Variants in GNB4 observed in about 807,000 individuals in gnomAD.
GNB4 encodes the protein guanine nucleotide-binding protein subunit beta-4.
In GNB4, 28 loss-of-function variants were observed where a neutral mutation model predicts 45.2. The observed-to-expected ratio is 0.62, with a 90% CI of 0.46 to 0.85. The LOEUF (loss-of-function observed/expected upper bound fraction) is 0.85, where lower values mean the gene tolerates loss of function less well. GNB4 is among the 40% of genes least tolerant of loss of function. The pLI is 0.00. For synonymous variants in GNB4, 132 were observed against 143.7 expected (o/e 0.92, Z 0.58); for missense variants, 321 against 425.4 (o/e 0.75, Z 2.16).
chr3:179,497,281 T>C, the GNB4 span, among the ~76,000 whole-genome samples: 2 of 152,104 alleles, frequency 1.3e-5, no homozygotes, highest in African/African-American at 2.4e-5. Context: ...GTAAATTATA[T>C]TGGAAAAACT....
At chr3:179,449,482 C>T (rs1715815785) in intron 1 of GNB4, among the ~76,000 whole-genome samples, 1 of 152,180 alleles carries the variant, frequency 6.6e-6, no homozygotes, top group African/African-American at 2.4e-5. Flanking sequence ...ACTCCTCATG[C>T]CCTCGAACTA....
the GNB4 span, among the ~76,000 whole-genome samples, chr3:179,491,987 CTAATT>C: frequency 6.6e-6 from 1 of 152,164 alleles, no homozygotes; most frequent in African/African-American, 2.4e-5. Flanking sequence ...CATCTACACT[CTAATT>C]AAAATAGTTC....
the GNB4 span, among the ~76,000 whole-genome samples, chr3:179,484,737 A>G: frequency 6.6e-6 from 1 of 152,148 alleles, no homozygotes; most frequent in Admixed American, 6.5e-5. Context: ...TGTGTGTTAG[A>G]TAAATTTTCT....
At position 179,426,173 on chromosome 3, in the gene GNB4, C is replaced by T; in HGVS notation, c.28G>A (p.Glu10Lys). The T allele has an allele frequency of 3.1e-6, 5 of 1,603,288 alleles. No individual in the cohort carries two copies. Among genetic ancestry groups the T allele is most frequent in the Non-Finnish European group, 4.2e-6 (5 of 1,177,672 alleles). MSELEQLRQEAEQLRNQIQD... is the reference protein window; with the variant it reads MSELEQLRQKAEQLRNQIQD... ...ATCTGATTCCGCAGTTGTTCTGCTT[C>T]TTGCCTCAACTGTTCCAGTTCGCTC... The change falls in exon 2 of 10, where the codon GAA becomes AAA. Residue 10 changes from glutamate (E) to lysine (K), a missense_variant. By Grantham distance (56) the Glu-to-Lys change is moderately conservative (BLOSUM62 1). Coordinates refer to ENST00000232564, the MANE Select transcript of GNB4 (RefSeq NM_021629.4).
the GNB4 span, among the ~76,000 whole-genome samples, chr3:179,489,567 G>C: frequency 2.0e-5 from 3 of 152,106 alleles, no homozygotes; most frequent in African/African-American, 7.2e-5. Context: ...CTTGAGCGCA[G>C]GAGTCTGAGG....
intron 8 of GNB4, among the ~76,000 whole-genome samples, chr3:179,408,216 T>C (rs1390042280): frequency 6.6e-6 from 1 of 150,896 alleles, no homozygotes; most frequent in African/African-American, 2.4e-5. Flanking sequence ...AATTAATCAG[T>C]TGAAAAAAAC....
At chr3:179,458,640 T>C in the GNB4 span, among the ~76,000 whole-genome samples, 1 of 152,210 alleles carries the variant, frequency 6.6e-6, no homozygotes, top group African/African-American at 2.4e-5. Flanking sequence ...CCTACACATA[T>C]CCTCCTGTAT....
the GNB4 span, among the ~76,000 whole-genome samples, chr3:179,506,140 T>G: frequency 6.6e-6 from 1 of 152,138 alleles, no homozygotes; most frequent in African/African-American, 2.4e-5. Context: ...CTTAGGCATT[T>G]GAAACCAGCC....
chr3:179,411,477 A>C (rs1484890441), intron 8 of GNB4, among the ~76,000 whole-genome samples: 1 of 151,980 alleles, frequency 6.6e-6, no homozygotes, highest in Non-Finnish European at 1.5e-5. Flanking sequence ...AAAAAAAAAA[A>C]AACAGGAGAA....
Position 179,446,668 on chromosome 3 carries a change from G to A in GNB4, c.-43+4678C>T, listed in dbSNP as rs9870483. ...TCTTGACCTATTCTACTCACTTGCC[G>A]CTTATTATCATCACTCCACCAGAGG... On this transcript the variant is annotated intron_variant, in intron 1 of 9. Coordinates refer to ENST00000232564, the MANE Select transcript of GNB4 (RefSeq NM_021629.4). Among the ~76,000 whole-genome samples the A allele has an allele frequency of 1.5e-3, 230 of 152,046 alleles. 2 individuals carry two copies. In the Middle Eastern group the frequency reaches 0.017, roughly 11 times the overall value.
chr3:179,430,489 G>A (rs534972042), intron 1 of GNB4, among the ~76,000 whole-genome samples: 4 of 152,160 alleles, frequency 2.6e-5, no homozygotes, highest in South Asian at 4.1e-4. Flanking sequence ...GTGTCACTCT[G>A]TCAACCAGGC....
chr3:179,453,739 G>A (rs1353848771), upstream of GNB4, among the ~76,000 whole-genome samples: 3 of 151,506 alleles, frequency 2.0e-5, no homozygotes, highest in Non-Finnish European at 4.4e-5. Flanking sequence ...GAAATTACTA[G>A]AAGAATAAAG....
chr3:179,412,041 ATTT>A, intron 8 of GNB4, among the ~76,000 whole-genome samples: 1 of 152,236 alleles, frequency 6.6e-6, no homozygotes, highest in East Asian at 1.9e-4. Flanking sequence ...TCAAAATGTT[ATTT>A]TCACTTTACC....
chr3:179,407,112 T>C (rs146240586), intron 8 of GNB4, among the ~76,000 whole-genome samples: 194 of 152,294 alleles, frequency 1.3e-3, no homozygotes, highest in African/African-American at 4.4e-3. Flanking sequence ...ATATAAAACA[T>C]GGTTCTAAAA....
the GNB4 span, among the ~76,000 whole-genome samples, chr3:179,509,781 G>C: frequency 6.6e-6 from 1 of 151,570 alleles, no homozygotes; most frequent in Non-Finnish European, 1.5e-5. Context: ...TGTACCACTT[G>C]GCATACAATA....
the GNB4 span, among the ~76,000 whole-genome samples, chr3:179,487,197 C>T: frequency 6.6e-6 from 1 of 152,170 alleles, no homozygotes; most frequent in African/African-American, 2.4e-5. Context: ...AAGCCAGTTC[C>T]TACCAGTGTT....
chr3:179,459,063 G>A, the GNB4 span, among the ~76,000 whole-genome samples: 5 of 152,112 alleles, frequency 3.3e-5, no homozygotes, highest in East Asian at 1.9e-4. Flanking sequence ...TATTATTCCC[G>A]TTGTGCAAAG....
chr3:179,486,812 C>T, the GNB4 span, among the ~76,000 whole-genome samples: 334 of 152,332 alleles, frequency 2.2e-3, 3 homozygotes, highest in Admixed American at 8.7e-3. Context: ...GAAAACCTAA[C>T]GCTTAAGAAA....
intron 9 of GNB4, among the ~76,000 whole-genome samples, chr3:179,404,176 A>G (rs911044028): frequency 6.6e-5 from 10 of 152,246 alleles, no homozygotes; most frequent in African/African-American, 2.4e-4. Context: ...AAAAGAAGTC[A>G]TAACACATCT....
Sources: allele counts gnomAD v4.1 joint callset (sites outside exome capture counted in the v4.1 genomes callset), GRCh38; gene constraint gnomAD v4.1.1; transcripts MANE v1.5; gene names NCBI Gene and HGNC (gene_info 2026-07-23, HGNC 2026-07-21).